The following SLC25A37 variants were observed in gnomAD, a reference collection of about 807,000 sequenced individuals.
SLC25A37 encodes the protein solute carrier family 25 member 37.
Under a neutral mutation model 31.0 loss-of-function variants are expected in SLC25A37, and 17 were observed. The ratio of observed to expected loss-of-function variants is 0.55; its 90% CI spans 0.38 to 0.82. SLC25A37 has a LOEUF of 0.82. Ranked by LOEUF, SLC25A37 falls within the 40% of genes least tolerant of loss-of-function variation. The pLI is 0.00. For synonymous variants in SLC25A37, 222 were observed against 193.0 expected, an observed-to-expected ratio of 1.15 and a Z score of -1.24; for missense variants, 404 against 465.8, an observed-to-expected ratio of 0.87 and a Z score of 1.22.
At position 23,566,509 on chromosome 8, in the gene SLC25A37, C is replaced by T. The variant is rs560277282; in HGVS notation, c.439+173C>T. The stretch of plus-strand genomic sequence containing the variant: ...CCAGACACACGCACGCACACACACG[C>T]GCGCGCACACACATGCTTTTTTCTG... On this transcript the variant is annotated intron_variant, in intron 2 of 3. Coordinates refer to ENST00000519973, the MANE Select transcript of SLC25A37 (RefSeq NM_016612.4). 790 of 1,373,864 alleles carry T rather than the reference C, an allele frequency of 5.8e-4. 1 individual carries two copies. Among genetic ancestry groups the T allele is most frequent in the Admixed American group, 7.6e-4 (19 of 24,950 alleles). The allele number at this position is 1,373,864 out of a possible 1,614,324, so 85.1% of individuals were successfully genotyped here. A position where few individuals can be genotyped will look rare whatever the true frequency, so the allele number is the denominator to read the frequency against.
intron 1 of SLC25A37, among the ~76,000 whole-genome samples, chr8:23,539,087 G>A (rs1801836724): frequency 6.6e-6 from 1 of 152,188 alleles, no homozygotes; most frequent in Admixed American, 6.5e-5. Flanking sequence ...AGACAGTCAG[G>A]AAGGGCCGTT....
At chr8:23,556,115 A>G (rs964821135) in intron 1 of SLC25A37, among the ~76,000 whole-genome samples, 13 of 151,790 alleles carry the variant, frequency 8.6e-5, no homozygotes, top group African/African-American at 2.9e-4. Flanking sequence ...CCCGCCATGT[A>G]TTCTGATAGG....
intron 1 of SLC25A37, among the ~76,000 whole-genome samples, chr8:23,536,462 C>G (rs912426119): frequency 6.6e-6 from 1 of 152,160 alleles, no homozygotes. Flanking sequence ...GGGGCACCTC[C>G]GAGAGGGGGT....
In SLC25A37 at chr8:23,545,150, A is replaced by G. The variant is rs560489288; in HGVS notation, c.210+15938A>G. On this transcript the variant is annotated intron_variant, in intron 1 of 3. Transcript: ENST00000519973. ...GGTCCAGGTCACAACTTGTAGGGCA[A>G]AGAGAGACTTGAGGATGGTGTAGGC... 2.0e-5 allele frequency among the ~76,000 whole-genome samples: 3 copies of G among 152,300 alleles called. No homozygotes were observed. In the East Asian group the frequency reaches 5.8e-4, roughly 29 times the overall value.
At chr8:23,554,274 G>C (rs185371841) in intron 1 of SLC25A37, among the ~76,000 whole-genome samples, 170 of 152,290 alleles carry the variant, frequency 1.1e-3, no homozygotes, top group African/African-American at 3.4e-3. Flanking sequence ...CAAGTTGATT[G>C]ACCTGAGGCC....
At chr8:23,562,818 T>G (rs1165944903) in intron 1 of SLC25A37, among the ~76,000 whole-genome samples, 1 of 152,230 alleles carries the variant, frequency 6.6e-6, no homozygotes, top group Non-Finnish European at 1.5e-5. Flanking sequence ...GCATCTGAAT[T>G]CAGCCCCAGT....
intron 3 of SLC25A37, among the ~76,000 whole-genome samples, chr8:23,569,193 G>C (rs750158488): frequency 2.9e-4 from 44 of 152,184 alleles, no homozygotes; most frequent in Non-Finnish European, 5.1e-4. Context: ...GAGTTTGGGA[G>C]GTTGAGGCTG....
At chr8:23,560,068 A>G (rs527385162) in intron 1 of SLC25A37, among the ~76,000 whole-genome samples, 3 of 152,226 alleles carry the variant, frequency 2.0e-5, no homozygotes, top group East Asian at 3.9e-4. Context: ...CTTGAGCCCA[A>G]GAGTTTGAGA....
intron 1 of SLC25A37, among the ~76,000 whole-genome samples, chr8:23,542,177 T>C (rs76458701): frequency 0.038 from 5,746 of 152,192 alleles, 165 homozygotes; most frequent in African/African-American, 0.077. Flanking sequence ...AAATTCCTAT[T>C]ACCTAGGGGC....
At chr8:23,552,825 T>G (rs560077506) in intron 1 of SLC25A37, among the ~76,000 whole-genome samples, 6 of 152,158 alleles carry the variant, frequency 3.9e-5, no homozygotes, top group Non-Finnish European at 8.8e-5. Flanking sequence ...GTCTAACTGT[T>G]TGCTCACTGG....
chr8:23,534,208 C>T (rs577474737), intron 1 of SLC25A37, among the ~76,000 whole-genome samples: 1 of 152,292 alleles, frequency 6.6e-6, no homozygotes, highest in East Asian at 1.9e-4. Flanking sequence ...CCACCTTGGC[C>T]TTCCAAAGTG....
intron 1 of SLC25A37, among the ~76,000 whole-genome samples, chr8:23,555,730 G>A (rs1473167087): frequency 6.6e-6 from 1 of 152,146 alleles, no homozygotes; most frequent in Non-Finnish European, 1.5e-5. Flanking sequence ...CTTTTCAGAA[G>A]GACAAACGTG....
intron 2 of SLC25A37, chr8:23,566,885 A>T: frequency 1.1e-6 from 1 of 941,036 alleles, no homozygotes; most frequent in Non-Finnish European, 1.3e-6. Flanking sequence ...GCTTCCGGGG[A>T]TCTGGGAATT....
chr8:23,560,644 A>G (rs1476017095), intron 1 of SLC25A37, among the ~76,000 whole-genome samples: 1 of 152,194 alleles, frequency 6.6e-6, no homozygotes, highest in Non-Finnish European at 1.5e-5. Context: ...GACCAGGCCC[A>G]TCTCTGCGCT....
At chr8:23,564,928 T>TCTAC (rs1317102163) in intron 1 of SLC25A37, among the ~76,000 whole-genome samples, 4 of 152,068 alleles carry the variant, frequency 2.6e-5, no homozygotes, top group Non-Finnish European at 5.9e-5. Context: ...ATCTGTCTGA[T>TCTAC]CTACCTACCT....
chr8:23,541,897 G>A lies in SLC25A37; in HGVS notation c.210+12685G>A, dbSNP rs538867621. The A allele has an allele frequency of 2.6e-5, 4 of 152,378 alleles. No homozygotes were observed. The South Asian group carries it at 8.3e-4, about 32-fold the overall frequency. 9.4% of individuals were successfully genotyped at this position (152,378 alleles called of 1,614,324 possible). Reference sequence around the variant, plus strand: ...TATGAGGGTGGAAGGGGTAAACCCAGGGTGTGTCTTTAACTGAAGAATCAA... The same window carrying A: ...TATGAGGGTGGAAGGGGTAAACCCAAGGTGTGTCTTTAACTGAAGAATCAA... On this transcript the variant is annotated intron_variant, in intron 1 of 3. Transcript: ENST00000519973.
At chr8:23,550,203 A>C (rs1342695881) in intron 1 of SLC25A37, among the ~76,000 whole-genome samples, 2 of 128,998 alleles carry the variant, frequency 1.6e-5, no homozygotes, top group African/African-American at 3.6e-5. Context: ...AAAAAAAAAC[A>C]CAAAAAAACA....
chr8:23,573,828 C>T lies in SLC25A37; in HGVS notation c.*1973C>T. ...TAACGCCTTCTCCCTGCTCTGCCCCCCACTCCCCAAAACCAGTTGCAGCCT... is the reference window on the plus strand; with the variant it reads ...TAACGCCTTCTCCCTGCTCTGCCCCTCACTCCCCAAAACCAGTTGCAGCCT... On this transcript the variant is annotated 3_prime_UTR_variant, in exon 4 of 4. Coordinates refer to ENST00000519973, the MANE Select transcript of SLC25A37 (RefSeq NM_016612.4). 1 of 456,746 alleles carries T rather than the reference C, an allele frequency of 2.2e-6. No homozygotes were observed. The highest frequency in any genetic ancestry group is 1.5e-5 in the South Asian group (1 of 64,568). The allele number at this position is 456,746 out of a possible 1,614,324, so 28.3% of individuals were successfully genotyped here.
In SLC25A37 at chr8:23,529,065, C is replaced by G. The variant is rs936410098; in HGVS notation, c.63C>G (p.Ser21Arg). The G allele has an allele frequency of 1.3e-6, 2 of 1,589,378 alleles. No homozygotes were observed. The highest frequency in any genetic ancestry group is 1.7e-6 in the Non-Finnish European group (2 of 1,169,094). ...QAVARRMDGD[S>R]RDGGGGKDAT... ...TGGCGCGGAGGATGGATGGGGACAG[C>G]CGAGATGGCGGCGGCGGCAAGGACG... The change falls in exon 1 of 4, where the codon AGC becomes AGG. Residue 21 changes from serine (S) to arginine (R), a missense_variant. Ser to Arg is a moderately radical substitution (Grantham distance 110). This residue lies in a region of SLC25A37 where 154 missense variants were observed against 153.6 expected (regional missense o/e 1.00). Coordinates refer to ENST00000519973, the MANE Select transcript of SLC25A37 (RefSeq NM_016612.4). The surrounding 1 kb of genome is among the most constrained non-coding windows in gnomAD (Gnocchi z 4.1).
Sources: gnomAD v4.1 joint callset for allele counts (sites outside exome capture counted in the v4.1 genomes callset) on GRCh38, gnomAD v4.1.1 for gene constraint, gnomAD v4.1.1 regional missense constraint, Gnocchi (gnomAD v3.1) non-coding constraint, MANE v1.5 for transcripts, NCBI Gene and HGNC (gene_info 2026-07-23, HGNC 2026-07-21) for gene names.